Variants in SCYL1 observed in about 807,000 individuals in gnomAD.
SCYL1 encodes the protein N-terminal kinase-like protein.
A neutral mutation model predicts 94.8 loss-of-function variants in SCYL1; 85 were observed. That is an observed-to-expected ratio of 0.90 (90% CI 0.75 to 1.07). SCYL1 has a LOEUF of 1.07. SCYL1 is among the 50% of genes least tolerant of loss of function. The pLI, the probability that SCYL1 is intolerant of heterozygous loss-of-function variation, is 0.00. For missense variants in SCYL1, 968 were observed against 1,083.3 expected (o/e 0.89, Z 1.49); for synonymous variants, 459 against 435.5 (o/e 1.05, Z -0.67).
At chr11:65,536,363 T>C in intron 12 of SCYL1, 29 bp downstream of exon 12, 1 of 1,608,510 alleles carries the variant, frequency 6.2e-7, no homozygotes, top group Non-Finnish European at 8.5e-7. Context: ...TGTTCCCTCT[T>C]TCCCTGCCAT....
intron 7 of SCYL1, among the ~76,000 whole-genome samples, chr11:65,531,234 A>G (rs1382044650): frequency 3.9e-5 from 6 of 152,032 alleles, no homozygotes; most frequent in African/African-American, 1.5e-4. Flanking sequence ...GAACCCTTTC[A>G]TCTGAAAGAC....
chr11:65,532,062 C>T (rs1302226387), intron 8 of SCYL1, among the ~76,000 whole-genome samples: 1 of 152,206 alleles, frequency 6.6e-6, no homozygotes, highest in Non-Finnish European at 1.5e-5. Flanking sequence ...CCACCAAACA[C>T]ACCAGTCCTC....
intron 10 of SCYL1, 57 bp downstream of exon 10, chr11:65,535,439 T>C: frequency 6.3e-7 from 1 of 1,593,342 alleles, no homozygotes; most frequent in Non-Finnish European, 8.6e-7. Context: ...CACAGCCTCC[T>C]CCAGGGCCAG....
intron 14 of SCYL1, 150 bp from the exon 15 acceptor site, chr11:65,537,659 T>C: frequency 1.5e-6 from 1 of 655,122 alleles, no homozygotes; most frequent in East Asian, 2.8e-5. Context: ...AGGGTCAGCG[T>C]CCATTTAATA....
At chr11:65,525,342 G>A in intron 1 of SCYL1, 78 bp downstream of exon 1, 2 of 1,187,132 alleles carry the variant, frequency 1.7e-6, no homozygotes, top group Non-Finnish European at 2.3e-6. Context: ...GTCGCGTTGC[G>A]CCCGGCCTGA....
At chr11:65,535,914 AC>A in intron 10 of SCYL1, 38 bp from the exon 11 acceptor site, 2 of 1,527,410 alleles carry the variant, frequency 1.3e-6, no homozygotes, top group Non-Finnish European at 1.8e-6. Flanking sequence ...CCCAACATTG[AC>A]CCTACACTCA....
rs1855584909 is a variant in SCYL1 at position 65,535,408 on chromosome 11, G to A, written c.1386+26G>A. The A allele has an allele frequency of 3.1e-6, 5 of 1,607,796 alleles. No individual in the cohort carries two copies. In the South Asian group the frequency reaches 4.4e-5, roughly 14 times the overall value. ...GTGAGTGTCCTGCACAACTGCTGGA[G>A]CCCGGTCCCTGTCGCAGGACCACAG... On this transcript the variant is annotated intron_variant, in intron 10 of 17. Transcript: ENST00000270176.
intron 2 of SCYL1, 102 bp from the exon 3 acceptor site, chr11:65,525,819 C>T (rs1030700865): frequency 6.3e-7 from 1 of 1,579,352 alleles, no homozygotes; most frequent in African/African-American, 1.3e-5. Flanking sequence ...CCAGCACCCC[C>T]AGATTTGGTT....
At position 65,538,679 on chromosome 11, in the gene SCYL1, A is replaced by G; in HGVS notation, c.*113A>G. 3 of 1,288,046 alleles carry G rather than the reference A, an allele frequency of 2.3e-6. No homozygotes were observed. The South Asian group carries it at 4.5e-5, about 19-fold the overall frequency. The allele number at this position is 1,288,046 out of a possible 1,614,324, so 79.8% of individuals were successfully genotyped here. A position where few individuals can be genotyped will look rare whatever the true frequency, so the allele number is the denominator to read the frequency against. ...CAGGCCATCTCACGTGTACATAATCAGAGCCACAATAAATTCTATTTCACA... is the reference window on the plus strand; with the variant it reads ...CAGGCCATCTCACGTGTACATAATCGGAGCCACAATAAATTCTATTTCACA... On this transcript the variant is annotated 3_prime_UTR_variant, in exon 18 of 18. Coordinates refer to ENST00000270176, the MANE Select transcript of SCYL1 (RefSeq NM_020680.4).
chr11:65,526,433 TCCCC>T lies in SCYL1; in HGVS notation c.602+84_602+87del. 1 of 1,094,942 alleles carries T rather than the reference TCCCC, an allele frequency of 9.1e-7. No homozygotes were observed. The highest frequency in any genetic ancestry group is 1.6e-5 in the South Asian group (1 of 63,548). The allele number at this position is 1,094,942 out of a possible 1,614,324, so 67.8% of individuals were successfully genotyped here. On this transcript the variant is annotated intron_variant, in intron 4 of 17. Transcript: ENST00000270176. This position sits in a 1 kb window ranked among gnomAD's most constrained non-coding sequence, Gnocchi z 4.1. Reference sequence around the variant, plus strand: ...TCAGGACTCCTAGACTAGTTGGCACTCCCCTGTTCCCTGCTGCCTGGCTGGGGAG... The same window carrying T: ...TCAGGACTCCTAGACTAGTTGGCACTTGTTCCCTGCTGCCTGGCTGGGGAG...
Position 65,536,306 on chromosome 11 carries a change from G to A in SCYL1, c.1623G>A (p.Ser541=), listed in dbSNP as rs772320310. ...RSFLSKLESV[S]EDPTQLEEVE... Reference sequence around the variant, plus strand: ...TCCTGTCCAAATTGGAGTCTGTGTCGGAGGACCCGACCCAGCTGGAGGAAG... The same window carrying A: ...TCCTGTCCAAATTGGAGTCTGTGTCAGAGGACCCGACCCAGCTGGAGGAAG... The change falls in exon 12 of 18, where the codon TCG becomes TCA. Residue 541 remains serine, a synonymous_variant. Coordinates refer to ENST00000270176, the MANE Select transcript of SCYL1 (RefSeq NM_020680.4). 2.4e-5 allele frequency: 39 copies of A among 1,614,006 alleles called. No homozygotes were observed. The South Asian group carries it at 2.5e-4, about 10-fold the overall frequency.
At chr11:65,535,890 T>A in intron 10 of SCYL1, 63 bp from the exon 11 acceptor site, 1 of 1,466,260 alleles carries the variant, frequency 6.8e-7, no homozygotes, top group Non-Finnish European at 9.2e-7. Context: ...AAGTAAGGGC[T>A]GGTGGTTCTG....
At position 65,536,582 on chromosome 11, in the gene SCYL1, C is replaced by T; in HGVS notation, c.1652-4C>T. The T allele has an allele frequency of 6.2e-7, 1 of 1,613,942 alleles. No homozygotes were observed. The highest frequency in any genetic ancestry group is 8.5e-7 in the Non-Finnish European group (1 of 1,179,944). On this transcript the variant is annotated splice_polypyrimidine_tract_variant and splice_region_variant and intron_variant, in intron 12 of 17. Transcript: ENST00000270176. The stretch of plus-strand genomic sequence containing the variant: ...ACCCACCTCTCTCTCATGCCACTGC[C>T]CAGAGAAGGATGTCCATGCAGCCTC...
intron 12 of SCYL1, 113 bp downstream of exon 12, chr11:65,536,447 C>G (rs1855647250): frequency 7.1e-7 from 1 of 1,411,858 alleles, no homozygotes. Flanking sequence ...AGACTTGACT[C>G]AGCTCCCCCT....
chr11:65,530,244 C>T (rs765492699), intron 6 of SCYL1, among the ~76,000 whole-genome samples: 7 of 152,100 alleles, frequency 4.6e-5, no homozygotes, highest in African/African-American at 1.4e-4. Flanking sequence ...TCCTGGGTGG[C>T]GAGCAGTAGA....
At chr11:65,537,385 G>A (rs1477741809) in intron 14 of SCYL1, among the ~76,000 whole-genome samples, 2 of 152,134 alleles carry the variant, frequency 1.3e-5, no homozygotes, top group Admixed American at 6.5e-5. Flanking sequence ...TACCCACACC[G>A]TCCCCCTTTC....
Position 65,525,445 on chromosome 11 carries a change from G to C in SCYL1, c.112-129G>C, listed in dbSNP as rs1034904609. 91 of 1,229,428 alleles carry C rather than the reference G, an allele frequency of 7.4e-5. No homozygotes were observed. In the African/African-American group the frequency reaches 1.2e-3, roughly 17 times the overall value. 76.2% of individuals were successfully genotyped at this position (1,229,428 alleles called of 1,614,324 possible). On this transcript the variant is annotated intron_variant, in intron 1 of 17. Transcript: ENST00000270176. The stretch of plus-strand genomic sequence containing the variant: ...GGACCGAGGGACCGACAGGCGGACA[G>C]GGCCGGGGTCACGTGGGCCCGGCGA...
chr11:65,531,945 G>C (rs935292867), intron 8 of SCYL1, among the ~76,000 whole-genome samples: 4 of 152,212 alleles, frequency 2.6e-5, no homozygotes, highest in African/African-American at 9.6e-5. Context: ...GCCCTCTAGA[G>C]TGGGGATACA....
rs749832812 is a variant in SCYL1, at chr11:65,538,095, G to T, written c.2160G>T (p.Arg720=). 1 of 1,604,860 alleles carries T rather than the reference G, an allele frequency of 6.2e-7. No individual in the cohort carries two copies. The highest frequency in any genetic ancestry group is 1.3e-5 in the African/African-American group (1 of 74,972). Residue 720 remains arginine, a synonymous_variant, in exon 16 of 18, where the codon CGG becomes CGT. Transcript: ENST00000270176. ...AGGAGCCACCTCCTGACGGTACACGGCTGGCCAGCGAGTATAACTGGGGTG... is the reference window on the plus strand; with the variant it reads ...AGGAGCCACCTCCTGACGGTACACGTCTGGCCAGCGAGTATAACTGGGGTG... The part of the protein sequence containing the change: ...SSQEPPPDGT[R]LASEYNWGGP...
Sources: allele counts gnomAD v4.1 joint callset (sites outside exome capture counted in the v4.1 genomes callset), GRCh38; gene constraint gnomAD v4.1.1; non-coding constraint Gnocchi (gnomAD v3.1); transcripts MANE v1.5; gene names NCBI Gene and HGNC (gene_info 2026-07-23, HGNC 2026-07-21).